PRKG1: variants seen among roughly 807,000 people sequenced by gnomAD.
PRKG1 encodes protein kinase cGMP-dependent 1.
A neutral mutation model predicts 88.1 loss-of-function variants in PRKG1; 35 were observed. The observed-to-expected ratio is 0.40, with a 90% confidence interval of 0.30 to 0.53. The LOEUF is 0.53. PRKG1 is among the 20% of genes least tolerant of loss of function. PRKG1 has a pLI of 0.59. For missense variants in PRKG1, 540 were observed against 839.8 expected (o/e 0.64, Z 4.41); for synonymous variants, 303 against 292.5 (o/e 1.04, Z -0.37).
chr10:51,423,359 T>C (rs1838474000), intron 2 of PRKG1, among the ~76,000 whole-genome samples: 1 of 152,226 alleles, frequency 6.6e-6, no homozygotes, highest in African/African-American at 2.4e-5. Context: ...CCTACCATCT[T>C]TCTAATAATG....
At chr10:52,176,434 G>T (rs1838870117) in intron 9 of PRKG1, among the ~76,000 whole-genome samples, 1 of 151,794 alleles carries the variant, frequency 6.6e-6, no homozygotes, top group South Asian at 2.1e-4. Context: ...AGTATATTTT[G>T]CAGTCTGGCA....
intron 4 of PRKG1, among the ~76,000 whole-genome samples, chr10:51,805,572 C>T (rs374712553): frequency 8.6e-5 from 13 of 151,844 alleles, no homozygotes; most frequent in South Asian, 2.1e-4. Flanking sequence ...CATTTTTGAT[C>T]GGTAGAATGT....
intron 7 of PRKG1, 118 bp downstream of exon 7, chr10:52,062,749 TG>T: frequency 2.6e-6 from 2 of 766,514 alleles, no homozygotes; most frequent in South Asian, 2.9e-5. Flanking sequence ...ATATCAAATA[TG>T]GACCCTTGAT....
chr10:51,445,826 C>T (rs768871726), intron 2 of PRKG1, among the ~76,000 whole-genome samples: 1 of 151,752 alleles, frequency 6.6e-6, no homozygotes, highest in South Asian at 2.1e-4. Context: ...TTAAAAATAG[C>T]CTTGCAGCTC....
intron 5 of PRKG1, among the ~76,000 whole-genome samples, chr10:51,954,048 C>G (rs1303175459): frequency 6.6e-6 from 1 of 152,022 alleles, no homozygotes. Flanking sequence ...ACAACCAGAC[C>G]TATTTTTCTA....
chr10:51,268,515 T>A (rs1442429210), intron 2 of PRKG1, among the ~76,000 whole-genome samples: 1 of 152,146 alleles, frequency 6.6e-6, no homozygotes, highest in Admixed American at 6.5e-5. Flanking sequence ...CAGGGATATT[T>A]CTCCCATTTG....
intron 3 of PRKG1, among the ~76,000 whole-genome samples, chr10:51,665,382 CG>C (rs1473556343): frequency 6.6e-6 from 1 of 152,034 alleles, no homozygotes; most frequent in Non-Finnish European, 1.5e-5. Context: ...TTCAAAAATC[CG>C]TCTTAGTTAT....
chr10:51,244,293 A>C (rs907887644), intron 2 of PRKG1, among the ~76,000 whole-genome samples: 7 of 150,070 alleles, frequency 4.7e-5, no homozygotes, highest in Non-Finnish European at 8.9e-5. Flanking sequence ...GAGTGTAGGA[A>C]TATTCCCTTT....
chr10:51,938,023 A>G (rs537826953), intron 5 of PRKG1, among the ~76,000 whole-genome samples: 1 of 151,892 alleles, frequency 6.6e-6, no homozygotes, highest in Non-Finnish European at 1.5e-5. Context: ...AACCATCAAC[A>G]TTGTCTTGGC....
chr10:52,007,350 G>A (rs1029540954), intron 5 of PRKG1, among the ~76,000 whole-genome samples: 2 of 151,672 alleles, frequency 1.3e-5, no homozygotes, highest in Non-Finnish European at 2.9e-5. Context: ...ATAAAGAAAT[G>A]AGACCAAATG....
chr10:51,319,385 A>T (rs74726141), intron 2 of PRKG1, among the ~76,000 whole-genome samples: 1 of 152,174 alleles, frequency 6.6e-6, no homozygotes, highest in Non-Finnish European at 1.5e-5. Context: ...TAATTCTTTG[A>T]CCTAGTTAAC....
chr10:51,048,310 C>T (rs952101854), intron 1 of PRKG1, among the ~76,000 whole-genome samples: 2 of 151,994 alleles, frequency 1.3e-5, no homozygotes, highest in African/African-American at 2.4e-5. Flanking sequence ...CTTCCTCTCT[C>T]CCCCTTTCTC....
At chr10:52,168,037 C>T (rs1838538804) in intron 9 of PRKG1, among the ~76,000 whole-genome samples, 1 of 152,196 alleles carries the variant, frequency 6.6e-6, no homozygotes, top group Non-Finnish European at 1.5e-5. Flanking sequence ...CCCTCATGCA[C>T]CAGCATCACC....
At chr10:51,137,349 A>C (rs1449565003) in intron 1 of PRKG1, among the ~76,000 whole-genome samples, 1 of 152,218 alleles carries the variant, frequency 6.6e-6, no homozygotes, top group Non-Finnish European at 1.5e-5. Context: ...AGCTATAAAT[A>C]TATGACAGTA....
chr10:51,739,447 A>G (rs1280240245), intron 3 of PRKG1, among the ~76,000 whole-genome samples: 1 of 152,166 alleles, frequency 6.6e-6, no homozygotes, highest in South Asian at 2.1e-4. Context: ...TTCTCAGGTT[A>G]TTATAACCTC....
intron 1 of PRKG1, among the ~76,000 whole-genome samples, chr10:51,152,223 A>G (rs981489201): frequency 1.3e-5 from 2 of 152,070 alleles, no homozygotes; most frequent in African/African-American, 4.8e-5. Flanking sequence ...TTTCTCGTTA[A>G]CCACTGAATT....
intron 3 of PRKG1, among the ~76,000 whole-genome samples, chr10:51,564,921 G>A (rs1837561030): frequency 6.6e-6 from 1 of 151,892 alleles, no homozygotes; most frequent in Non-Finnish European, 1.5e-5. Context: ...TTCATGCTTT[G>A]TGGAGAATAG....
At chr10:51,342,367 A>AT (rs887132989) in intron 2 of PRKG1, among the ~76,000 whole-genome samples, 2 of 152,002 alleles carry the variant, frequency 1.3e-5, no homozygotes, top group African/African-American at 4.8e-5. Context: ...AAATAGCTCA[A>AT]TTTTTTTTCA....
chr10:52,054,416 G>A (rs1473432807), intron 5 of PRKG1, 68 bp from the exon 6 acceptor site: 7 of 1,159,744 alleles, frequency 6.0e-6, no homozygotes, highest in South Asian at 5.0e-5. Context: ...GTTGATATTT[G>A]AAGAGGCTGA....
Sources: allele counts gnomAD v4.1 joint callset (sites outside exome capture counted in the v4.1 genomes callset), GRCh38; gene constraint gnomAD v4.1.1; transcripts MANE v1.5; gene names NCBI Gene and HGNC (gene_info 2026-07-23, HGNC 2026-07-21).